AKAP8: variants seen among roughly 807,000 people sequenced by gnomAD.
AKAP8 encodes A-kinase anchoring protein 8.
In AKAP8, 24 loss-of-function variants were observed where a neutral mutation model predicts 67.5. The ratio of observed to expected loss-of-function variants is 0.36; its 90% CI spans 0.26 to 0.50. AKAP8 has a LOEUF of 0.50. Ranked by LOEUF, AKAP8 falls within the 20% of genes least tolerant of loss-of-function variation. The pLI is 0.97. For synonymous variants in AKAP8, 400 were observed against 371.1 expected (o/e 1.08, Z -0.90); for missense variants, 971 against 955.9 (o/e 1.02, Z -0.21).
intron 13 of AKAP8, among the ~76,000 whole-genome samples, chr19:15,357,891 G>A (rs573054984): frequency 1.2e-4 from 18 of 151,348 alleles, no homozygotes; most frequent in Admixed American, 2.0e-4. Context: ...CATGTTGTCC[G>A]GGCTGGTCTT....
At chr19:15,368,651 C>T (rs966691235) in intron 8 of AKAP8, 17 of 985,086 alleles carry the variant, frequency 1.7e-5, no homozygotes, top group African/African-American at 1.8e-5. Flanking sequence ...TCATGCCCTG[C>T]GATGGGGTCT....
chr19:15,361,879 T>A (rs1043136344), intron 10 of AKAP8, 57 bp from the exon 11 acceptor site: 3 of 1,522,390 alleles, frequency 2.0e-6, no homozygotes, highest in African/African-American at 2.7e-5. Context: ...ATGTGGGCAT[T>A]TCTCAACTGC....
Position 15,375,394 on chromosome 19 carries a change from G to A in AKAP8, c.59-759C>T, listed in dbSNP as rs533131308. ...ATAAATAAGTACCAGCACACTGCCC[G>A]TAGCCCTGTGCTCTCAGGCTCTGCC... On this transcript the variant is annotated intron_variant, in intron 2 of 13. Transcript: ENST00000269701. 3.3e-5 allele frequency among the ~76,000 whole-genome samples: 5 copies of A among 152,240 alleles called. No homozygotes were observed. In the South Asian group the frequency reaches 6.2e-4, roughly 19 times the overall value.
At chr19:15,372,078 A>G (rs1967167850) in intron 6 of AKAP8, 80 bp from the exon 7 acceptor site, 31 of 1,610,094 alleles carry the variant, frequency 1.9e-5, no homozygotes, top group Non-Finnish European at 2.3e-5. Flanking sequence ...CTCGCCATCC[A>G]GGGTGAGTCT....
Position 15,371,982 on chromosome 19 carries a change from G to A in AKAP8, c.1008C>T (p.Asp336=), listed in dbSNP as rs1180519925. Residue 336 remains aspartate (D), a synonymous_variant, in exon 7 of 14, where the codon GAC becomes GAT. Coordinates refer to ENST00000269701, the MANE Select transcript of AKAP8 (RefSeq NM_005858.4). Reference sequence around the variant, plus strand: ...TGAATTCTTCATCTCCTGAGCGGAAGTCACCAGCTGCGTCATCTGCCAGAC... The same window carrying A: ...TGAATTCTTCATCTCCTGAGCGGAAATCACCAGCTGCGTCATCTGCCAGAC... ...DFSENDDAAG[D]FRSGDEEFKG... 2 of 1,614,148 alleles carry A rather than the reference G, an allele frequency of 1.2e-6. No homozygotes were observed. Among genetic ancestry groups the A allele is most frequent in the South Asian group, 1.1e-5 (1 of 91,068 alleles).
rs780698925 is a variant in AKAP8 at position 15,374,029 on chromosome 19, G to A, written c.128C>T (p.Thr43Ile). Reference sequence around the variant, plus strand: ...GTAGGTTGCGCCTGTGGTGACACTGGTGTTCTGGGCGCCATAGTAATTGTA... The same window carrying A: ...GTAGGTTGCGCCTGTGGTGACACTGATGTTCTGGGCGCCATAGTAATTGTA... Reference protein sequence around the residue: ...ENYNYYGAQNTSVTTGATYSY... With the variant: ...ENYNYYGAQNISVTTGATYSY... The change falls in exon 4 of 14, where the codon ACC (threonine) becomes ATC (isoleucine). Residue 43 changes from threonine (T) to isoleucine (I), a missense_variant. By Grantham distance (89) the Thr-to-Ile change is moderately conservative. Coordinates refer to ENST00000269701, the MANE Select transcript of AKAP8 (RefSeq NM_005858.4). 2.7e-5 allele frequency: 43 copies of A among 1,592,064 alleles called. No individual in the cohort carries two copies. Among genetic ancestry groups the A allele is most frequent in the African/African-American group, 4.1e-5 (3 of 73,396 alleles).
In AKAP8 at chr19:15,361,806, C is replaced by T; in HGVS notation, c.1319G>A (p.Arg440Lys). The T allele has an allele frequency of 6.2e-7, 1 of 1,614,046 alleles. No homozygotes were observed. Among genetic ancestry groups the T allele is most frequent in the Non-Finnish European group, 8.5e-7 (1 of 1,179,906 alleles). The change falls in exon 11 of 14, where the codon AGA becomes AAA. Residue 440 changes from arginine (R) to lysine (K), a missense_variant. Physicochemically the swap from Arg to Lys is conservative, Grantham distance 26. This residue lies in a region of AKAP8 where 763 missense variants were observed against 745.4 expected (regional missense o/e 1.02). Coordinates refer to ENST00000269701, the MANE Select transcript of AKAP8 (RefSeq NM_005858.4). Reference sequence around the variant, plus strand: ...ACGCCGCTTCTCAATTTTCTTATTTCTGTTTACAATGTATTCCTAGGTGGG... The same window carrying T: ...ACGCCGCTTCTCAATTTTCTTATTTTTGTTTACAATGTATTCCTAGGTGGG... ...VEFLQEYIVNRNKKIEKRRQE... is the reference protein window; with the variant it reads ...VEFLQEYIVNKNKKIEKRRQE...
At chr19:15,370,092 T>A in intron 8 of AKAP8, 54 bp downstream of exon 8, 1 of 1,608,634 alleles carries the variant, frequency 6.2e-7, no homozygotes, top group Non-Finnish European at 8.5e-7. Flanking sequence ...GGGCAGTAAG[T>A]GCGGGGCAGC....
Position 15,373,591 on chromosome 19 carries a change from C to G in AKAP8, c.371+195G>C, listed in dbSNP as rs960385735. 3.3e-6 allele frequency: 3 copies of G among 920,198 alleles called. No homozygotes were observed. The Admixed American group carries it at 8.8e-5, about 27-fold the overall frequency. The allele number at this position is 920,198 out of a possible 1,614,324, so 57.0% of individuals were successfully genotyped here. On this transcript the variant is annotated intron_variant, in intron 4 of 13. Coordinates refer to ENST00000269701, the MANE Select transcript of AKAP8 (RefSeq NM_005858.4). ...TCTCGGGGAGCTTAGCCAACAACCA[C>G]GCCCAAGCCCCGCCATGAAGAAAAG... is the stretch of plus-strand genomic sequence containing the variant.
At chr19:15,362,312 C>T in intron 9 of AKAP8, 61 bp from the exon 10 acceptor site, 2 of 1,585,660 alleles carry the variant, frequency 1.3e-6, no homozygotes, top group Non-Finnish European at 1.7e-6. Context: ...AAGCAGGGGG[C>T]ATCAGCTCAC....
In AKAP8 at chr19:15,358,415, C is replaced by T. The variant is rs761056957; in HGVS notation, c.1623+552G>A. Among the ~76,000 whole-genome samples the T allele has an allele frequency of 2.1e-4, 31 of 151,146 alleles. No homozygotes were observed. In the South Asian group the frequency reaches 2.1e-3, roughly 10 times the overall value. ...TGTCACCTGGGCTGGAGTGTAGTGG[C>T]GCAATCGTTAACTCCTCTAACTCCT... On this transcript the variant is annotated intron_variant, in intron 13 of 13. Coordinates refer to ENST00000269701, the MANE Select transcript of AKAP8 (RefSeq NM_005858.4).
intron 2 of AKAP8, among the ~76,000 whole-genome samples, chr19:15,375,723 A>G (rs749047854): frequency 6.1e-5 from 9 of 147,218 alleles, no homozygotes; most frequent in Admixed American, 5.5e-4. Context: ...TGCAAGCTCC[A>G]CCTCCTGGGT....
In AKAP8 at chr19:15,368,447, G is replaced by A. The variant is rs569502308; in HGVS notation, c.1073-125C>T. On this transcript the variant is annotated intron_variant, in intron 8 of 13. Transcript: ENST00000269701. ...TGCCCTGCCACTGCCTGCACCACGC[G>A]GCAGGGTCCAGGATGCCCCAAGGCA... 9.7e-5 allele frequency: 152 copies of A among 1,569,044 alleles called. 2 individuals carry two copies. In the East Asian group the frequency reaches 2.6e-3, roughly 27 times the overall value.
chr19:15,369,083 G>A lies in AKAP8; in HGVS notation c.1073-761C>T. 5 of 985,506 alleles carry A rather than the reference G, an allele frequency of 5.1e-6. No individual in the cohort carries two copies. The highest frequency in any genetic ancestry group is 6.0e-6 in the Non-Finnish European group (5 of 830,016). 61.0% of individuals were successfully genotyped at this position (985,506 alleles called of 1,614,324 possible). A position where few individuals can be genotyped will look rare whatever the true frequency, so the allele number is the denominator to read the frequency against. On this transcript the variant is annotated intron_variant, in intron 8 of 13. Transcript: ENST00000269701. This position sits in a 1 kb window ranked among gnomAD's most constrained non-coding sequence, Gnocchi z 4.6. Reference sequence around the variant, plus strand: ...AACCCCTACCCCTGATGCCAGTCCCGAGACTGTCCCACGAAGATGGCGACC... The same window carrying A: ...AACCCCTACCCCTGATGCCAGTCCCAAGACTGTCCCACGAAGATGGCGACC...
chr19:15,361,593 C>G, intron 11 of AKAP8, 136 bp downstream of exon 11: 1 of 677,348 alleles, frequency 1.5e-6, no homozygotes, highest in Non-Finnish European at 2.6e-6. Flanking sequence ...ACCTCATGAT[C>G]CGCCTGCCTC....
chr19:15,373,398 C>G, intron 4 of AKAP8, 58 bp from the exon 5 acceptor site: 2 of 1,538,176 alleles, frequency 1.3e-6, no homozygotes, highest in South Asian at 1.3e-5. Flanking sequence ...CTGCCACACT[C>G]CCTCAGTATA....
At chr19:15,373,603 G>T in intron 4 of AKAP8, 183 bp downstream of exon 4, 2 of 945,086 alleles carry the variant, frequency 2.1e-6, no homozygotes, top group Non-Finnish European at 3.1e-6. Context: ...CCCAAGCCCC[G>T]CCATGAAGAA....
rs187028322 is a variant in AKAP8, at chr19:15,373,451, T to C, written c.372-111A>G. On this transcript the variant is annotated intron_variant, in intron 4 of 13. Coordinates refer to ENST00000269701, the MANE Select transcript of AKAP8 (RefSeq NM_005858.4). ...TTCAAAACAGCAAACCAAACCACCC[T>C]GCATCCCACCTAAGTGCTGGGATGA... The C allele has an allele frequency of 4.8e-4, 682 of 1,434,296 alleles. 2 individuals are homozygous for C. In the African/African-American group the frequency reaches 9.0e-3, roughly 19 times the overall value. 88.8% of individuals were successfully genotyped at this position (1,434,296 alleles called of 1,614,324 possible). A position where few individuals can be genotyped will look rare whatever the true frequency, so the allele number is the denominator to read the frequency against.
rs1279975366 is a variant in AKAP8, at chr19:15,354,389, G to A, written c.*526C>T. The A allele has an allele frequency of 6.3e-6, 1 of 158,578 alleles. No homozygotes were observed. The highest frequency in any genetic ancestry group is 1.4e-5 in the Non-Finnish European group (1 of 71,462). 9.8% of individuals were successfully genotyped at this position (158,578 alleles called of 1,614,324 possible). On this transcript the variant is annotated 3_prime_UTR_variant, in exon 14 of 14. Transcript: ENST00000269701. ...TTTGGGAGTGCGTGGATGTGACGCGGTCAGTGCCACATGTGAACCAGGTGC... is the reference window on the plus strand; with the variant it reads ...TTTGGGAGTGCGTGGATGTGACGCGATCAGTGCCACATGTGAACCAGGTGC...
Sources: allele counts gnomAD v4.1 joint callset (sites outside exome capture counted in the v4.1 genomes callset), GRCh38; gene constraint gnomAD v4.1.1; regional missense constraint gnomAD v4.1.1; non-coding constraint Gnocchi (gnomAD v3.1); transcripts MANE v1.5; gene names NCBI Gene and HGNC (gene_info 2026-07-23, HGNC 2026-07-21).